The following RPH3A variants were observed in gnomAD, a reference collection of about 807,000 sequenced individuals.
RPH3A encodes rabphilin-3A.
RPH3A carries 48 observed loss-of-function variants against 102.2 expected under a neutral mutation model. The observed-to-expected ratio is 0.47, with a 90% CI of 0.37 to 0.60. The LOEUF (loss-of-function observed/expected upper bound fraction) is 0.60, where lower values mean the gene tolerates loss of function less well. Among genes scored for constraint, RPH3A ranks in the 20% least tolerant of loss-of-function variants. The pLI, the probability that RPH3A is intolerant of heterozygous loss-of-function variation, is 0.00. For missense variants in RPH3A, 781 were observed against 910.1 expected, an observed-to-expected ratio of 0.86 and a Z score of 1.83; for synonymous variants, 310 against 324.3, an observed-to-expected ratio of 0.96 and a Z score of 0.47.
intron 13 of RPH3A, 52 bp from the exon 14 acceptor site, chr12:112,879,067 T>C: frequency 6.9e-7 from 1 of 1,459,628 alleles, no homozygotes. Flanking sequence ...AGGAAATGTT[T>C]GCTGAGTGAC....
At chr12:112,655,074 G>A (rs1592927921) in intron 1 of RPH3A, among the ~76,000 whole-genome samples, 1 of 152,296 alleles carries the variant, frequency 6.6e-6, no homozygotes, top group Non-Finnish European at 1.5e-5. Flanking sequence ...TATGCTTGAA[G>A]GCCATGGCTT....
intron 2 of RPH3A, among the ~76,000 whole-genome samples, chr12:112,822,166 G>T (rs2041792826): frequency 6.6e-6 from 1 of 152,212 alleles, no homozygotes; most frequent in African/African-American, 2.4e-5. Flanking sequence ...AGAGACAAGG[G>T]GCAAGGAAAG....
At chr12:112,840,902 A>G (rs1469037921) in intron 4 of RPH3A, among the ~76,000 whole-genome samples, 1 of 152,080 alleles carries the variant, frequency 6.6e-6, no homozygotes, top group African/African-American at 2.4e-5. Flanking sequence ...AGAGCCCCCA[A>G]GTTCTTCATC....
chr12:112,678,178 C>T (rs1257494379), intron 1 of RPH3A, among the ~76,000 whole-genome samples: 1 of 150,012 alleles, frequency 6.7e-6, no homozygotes, highest in East Asian at 2.0e-4. Flanking sequence ...GCCTGGGCAA[C>T]AGAGCAAGAC....
chr12:112,601,736 A>C (rs531296267), intron 1 of RPH3A, among the ~76,000 whole-genome samples: 1 of 152,264 alleles, frequency 6.6e-6, no homozygotes, highest in South Asian at 2.1e-4. Context: ...GTTCACTACC[A>C]GCCTGGGCAA....
intron 14 of RPH3A, among the ~76,000 whole-genome samples, 168 bp downstream of exon 14, chr12:112,879,366 C>A (rs1217133401): frequency 6.6e-6 from 1 of 152,184 alleles, no homozygotes; most frequent in Non-Finnish European, 1.5e-5. Context: ...TTCTGGGAGG[C>A]CTTCCTCCTC....
chr12:112,626,701 A>T (rs1442130666), intron 1 of RPH3A, among the ~76,000 whole-genome samples: 5 of 89,044 alleles, frequency 5.6e-5, no homozygotes, highest in Non-Finnish European at 1.1e-4. Flanking sequence ...CAGCCATCCC[A>T]TTACTGGGTA....
Position 112,640,180 on chromosome 12 carries a change from C to T in RPH3A, c.-140+64861C>T, listed in dbSNP as rs542739630. On this transcript the variant is annotated intron_variant, in intron 1 of 21. Coordinates refer to the RPH3A transcript ENST00000543106. ...TACTAAAAAAAAATACAAAAATCAG[C>T]CGGGCGTGGTGGCACGTGCCTGTAA... is the stretch of plus-strand genomic sequence containing the variant. Among the ~76,000 whole-genome samples the T allele has an allele frequency of 3.8e-4, 57 of 151,562 alleles. No individual in the cohort carries two copies. The East Asian group carries it at 9.2e-3, about 24-fold the overall frequency.
At chr12:112,795,066 A>G (rs761289654) in intron 2 of RPH3A, among the ~76,000 whole-genome samples, 1 of 152,218 alleles carries the variant, frequency 6.6e-6, no homozygotes, top group Admixed American at 6.5e-5. Flanking sequence ...ATTGCTCCGT[A>G]CACAGACTGG....
intron 1 of RPH3A, among the ~76,000 whole-genome samples, chr12:112,667,335 G>A (rs889762569): frequency 1.4e-4 from 21 of 152,136 alleles, no homozygotes; most frequent in African/African-American, 4.6e-4. Context: ...TGTTCATTAG[G>A]AAGCTCAAAT....
intron 2 of RPH3A, among the ~76,000 whole-genome samples, chr12:112,825,699 G>T (rs925170289): frequency 6.6e-6 from 1 of 152,160 alleles, no homozygotes; most frequent in Admixed American, 6.5e-5. Context: ...CTATGCTAGT[G>T]TTGGAGATTA....
At chr12:112,592,565 C>G (rs989010251) in intron 1 of RPH3A, among the ~76,000 whole-genome samples, 1 of 152,198 alleles carries the variant, frequency 6.6e-6, no homozygotes. Flanking sequence ...GTGATCTGCC[C>G]GCCTTGGCCT....
At chr12:112,730,880 A>G (rs1200809046) in intron 1 of RPH3A, among the ~76,000 whole-genome samples, 1 of 152,146 alleles carries the variant, frequency 6.6e-6, no homozygotes, top group Non-Finnish European at 1.5e-5. Flanking sequence ...AGCCCTGGCC[A>G]TTGTTCCAGG....
intron 1 of RPH3A, among the ~76,000 whole-genome samples, chr12:112,722,649 A>G (rs1389508525): frequency 6.6e-6 from 1 of 152,234 alleles, no homozygotes; most frequent in East Asian, 1.9e-4. Context: ...GCTGGGCCAA[A>G]TGGGAGATAG....
intron 1 of RPH3A, among the ~76,000 whole-genome samples, chr12:112,653,815 C>T (rs190855674): frequency 6.6e-6 from 1 of 152,234 alleles, no homozygotes; most frequent in African/African-American, 2.4e-5. Flanking sequence ...ACACATTGTA[C>T]AGCTGTACAA....
At chr12:112,822,126 G>C (rs1211033354) in intron 2 of RPH3A, among the ~76,000 whole-genome samples, 1 of 152,156 alleles carries the variant, frequency 6.6e-6, no homozygotes, top group Non-Finnish European at 1.5e-5. Context: ...CAGATACCTA[G>C]TTGAGCAGTG....
intron 1 of RPH3A, among the ~76,000 whole-genome samples, chr12:112,604,334 T>C (rs552397299): frequency 7.2e-5 from 11 of 152,306 alleles, no homozygotes; most frequent in Admixed American, 7.2e-4. Flanking sequence ...TAAAAGAGGA[T>C]ACAGAACAAT....
chr12:112,888,258 C>T (rs116404101), intron 17 of RPH3A, among the ~76,000 whole-genome samples: 2,970 of 152,340 alleles, frequency 0.019, 114 homozygotes, highest in African/African-American at 0.068. Flanking sequence ...TGAACCACTC[C>T]GAGCCTCGGT....
chr12:112,684,390 C>T (rs2136018174), intron 1 of RPH3A, among the ~76,000 whole-genome samples: 1 of 152,144 alleles, frequency 6.6e-6, no homozygotes, highest in African/African-American at 2.4e-5. Flanking sequence ...TCCTGAGTAG[C>T]TGGGATTACA....
Sources: gnomAD v4.1 joint callset for allele counts (sites outside exome capture counted in the v4.1 genomes callset) on GRCh38, gnomAD v4.1.1 for gene constraint, MANE v1.5 for transcripts, NCBI Gene and HGNC (gene_info 2026-07-23, HGNC 2026-07-21) for gene names.